The following DYSF variants were observed in gnomAD, a reference collection of about 807,000 sequenced individuals.
DYSF encodes the protein dystrophy-associated fer-1-like 1.
Under a neutral mutation model 274.9 loss-of-function variants are expected in DYSF, and 212 were observed. That is an observed-to-expected ratio of 0.77 (90% CI 0.69 to 0.86). The LOEUF (loss-of-function observed/expected upper bound fraction) is 0.86. Ranked by LOEUF, DYSF falls within the 40% of genes least tolerant of loss-of-function variation. DYSF has a pLI of 0.00. For synonymous variants in DYSF, 1,091 were observed against 1,078.7 expected, an observed-to-expected ratio of 1.01 and a Z score of -0.22; for missense variants, 2,666 against 2,783.2, an observed-to-expected ratio of 0.96 and a Z score of 0.95.
At chr2:71,492,698 T>G (rs867508394) in intron 3 of DYSF, among the ~76,000 whole-genome samples, 1 of 116,376 alleles carries the variant, frequency 8.6e-6, no homozygotes, top group Non-Finnish European at 1.8e-5. Flanking sequence ...TCTCCCTTCC[T>G]CCCCCCCCCC....
At chr2:71,660,535 A>G (rs1366350321) in intron 44 of DYSF, 25 bp from the exon 45 acceptor site, 1 of 1,600,162 alleles carries the variant, frequency 6.2e-7, no homozygotes, top group Non-Finnish European at 8.6e-7. Context: ...GTGTTTTCAC[A>G]GAAGTGTTTT....
At chr2:71,548,469 T>C (rs554391941) in intron 17 of DYSF, among the ~76,000 whole-genome samples, 4 of 152,258 alleles carry the variant, frequency 2.6e-5, no homozygotes, top group African/African-American at 9.6e-5. Context: ...TACACTTTAC[T>C]GTTGGAGAAG....
rs574456615 is a variant in DYSF at position 71,660,619 on chromosome 2, C to G, written c.4971C>G (p.Tyr1657Ter). 6.2e-7 allele frequency: 1 copy of G among 1,614,164 alleles called. No individual in the cohort carries two copies. Among genetic ancestry groups the G allele is most frequent in the African/African-American group, 1.3e-5 (1 of 75,072 alleles). The change falls in exon 45 of 56, where the codon TAC becomes TAG. Residue 1657 changes from tyrosine (Y) to a stop codon, truncating the protein, a stop_gained. Transcript: ENST00000410020. LOFTEE classifies it high-confidence loss of function. The stretch of plus-strand genomic sequence containing the variant: ...AATCAGTGAGTGACCAGGATAACTA[C>G]ATCCCCTGCACGCTGGAGCCCGTAT... The part of the protein sequence containing the change: ...GKKSVSDQDN[Y>*]IPCTLEPVFG...
At chr2:71,515,311 G>A (rs532023699) in intron 7 of DYSF, among the ~76,000 whole-genome samples, 9 of 152,274 alleles carry the variant, frequency 5.9e-5, no homozygotes, top group South Asian at 2.1e-4. Context: ...ATGGGGTCTC[G>A]GGTGGGGCTT....
At chr2:71,683,429 T>A (rs1378878356) in intron 55 of DYSF, among the ~76,000 whole-genome samples, 1 of 152,094 alleles carries the variant, frequency 6.6e-6, no homozygotes, top group East Asian at 1.9e-4. Flanking sequence ...CCAGGGAGCC[T>A]CCCCCAGTGT....
chr2:71,655,460 C>T (rs2094750677), intron 42 of DYSF, among the ~76,000 whole-genome samples: 1 of 152,170 alleles, frequency 6.6e-6, no homozygotes, highest in Non-Finnish European at 1.5e-5. Flanking sequence ...TTTAATGTTA[C>T]TGTTTATTAG....
chr2:71,498,534 G>A (rs1482378218), intron 3 of DYSF, among the ~76,000 whole-genome samples: 3 of 152,168 alleles, frequency 2.0e-5, no homozygotes. Context: ...CAATAGTGAC[G>A]TTATCCATAG....
At chr2:71,629,467 C>T (rs1284531267) in intron 41 of DYSF, among the ~76,000 whole-genome samples, 1 of 152,104 alleles carries the variant, frequency 6.6e-6, no homozygotes, top group Non-Finnish European at 1.5e-5. Flanking sequence ...GTGCCTAGTT[C>T]CTTATGTGTT....
chr2:71,667,500 G>T lies in DYSF; in HGVS notation c.5442G>T (p.Gln1814His). The change falls in exon 48 of 56, where the codon CAG becomes CAT. Residue 1814 changes from glutamine (Q) to histidine (H), a missense_variant. Physicochemically the swap from Gln to His is conservative, Grantham distance 24 (BLOSUM62 0). Coordinates refer to ENST00000410020, the MANE Select transcript of DYSF (RefSeq NM_001130987.2). ...VESRPLYSPL[Q>H]PDIEQGKLQM... is the part of the protein sequence containing the mutation. ...CACGGCCCCTCTACAGCCCCCTGCA[G>T]CCAGACATCGAGCAGGTAGGACCTT... 1 of 1,614,116 alleles carries T rather than the reference G, an allele frequency of 6.2e-7. No homozygotes were observed. The highest frequency in any genetic ancestry group is 1.1e-5 in the South Asian group (1 of 91,078).
Position 71,659,013 on chromosome 2 carries a change from C to T in DYSF, c.4891C>T (p.Pro1631Ser). ...CATTGTCCGAGCATTTGGCCTGCAG[C>T]CCAAGGACCCCAATGGAAAGGTAAC... The part of the protein sequence containing the change: ...IYIVRAFGLQ[P>S]KDPNGKCDPY... Residue 1631 changes from proline to serine, a missense_variant, in exon 44 of 56, where the codon CCC (proline) becomes TCC (serine). Physicochemically the swap from Pro to Ser is moderately conservative, Grantham distance 74. This residue lies in a region of DYSF where 1,460 missense variants were observed against 1,502.1 expected (regional missense o/e 0.97). Coordinates refer to ENST00000410020, the MANE Select transcript of DYSF (RefSeq NM_001130987.2). 1 of 1,614,172 alleles carries T rather than the reference C, an allele frequency of 6.2e-7. No homozygotes were observed. The highest frequency in any genetic ancestry group is 8.5e-7 in the Non-Finnish European group (1 of 1,180,044).
chr2:71,516,335 T>C, intron 9 of DYSF, 93 bp downstream of exon 9: 5 of 1,247,566 alleles, frequency 4.0e-6, no homozygotes, highest in Non-Finnish European at 4.7e-6. Flanking sequence ...CGTGTGTGCA[T>C]GTGCACGTCA....
At chr2:71,588,470 G>A (rs1020895373) in intron 30 of DYSF, among the ~76,000 whole-genome samples, 5 of 152,114 alleles carry the variant, frequency 3.3e-5, no homozygotes, top group African/African-American at 1.2e-4. Flanking sequence ...GCACTGGGGG[G>A]CTTTGTAGCT....
chr2:71,684,493 G>A (rs1229946561), intron 55 of DYSF, among the ~76,000 whole-genome samples: 2 of 152,216 alleles, frequency 1.3e-5, no homozygotes, highest in African/African-American at 2.4e-5. Context: ...AGGGAGAAGA[G>A]GATGAGGCCT....
intron 17 of DYSF, among the ~76,000 whole-genome samples, chr2:71,549,818 G>A (rs566397785): frequency 6.6e-5 from 10 of 152,120 alleles, no homozygotes; most frequent in Non-Finnish European, 1.0e-4. Flanking sequence ...GATGATTAAC[G>A]CAAATAATTA....
At chr2:71,601,640 C>T (rs1164454050) in intron 35 of DYSF, 112 bp downstream of exon 35, 7 of 1,432,008 alleles carry the variant, frequency 4.9e-6, no homozygotes, top group Non-Finnish European at 5.9e-6. Flanking sequence ...CTGCCTCAAG[C>T]CCCCGGGGAA....
At chr2:71,635,306 A>G (rs966923033) in intron 41 of DYSF, among the ~76,000 whole-genome samples, 33 of 152,338 alleles carry the variant, frequency 2.2e-4, no homozygotes, top group East Asian at 7.7e-4. Flanking sequence ...ATGGCACATG[A>G]TCAGCCTTTG....
chr2:71,605,967 G>A (rs528125618), intron 36 of DYSF, among the ~76,000 whole-genome samples: 1 of 152,264 alleles, frequency 6.6e-6, no homozygotes, highest in African/African-American at 2.4e-5. Context: ...GGAGCTCCCC[G>A]AGGAACCAGG....
chr2:71,603,403 T>C (rs547014725), intron 36 of DYSF, among the ~76,000 whole-genome samples: 1 of 152,216 alleles, frequency 6.6e-6, no homozygotes, highest in Admixed American at 6.5e-5. Context: ...TGTGGGTGGA[T>C]TGTCGTGAGC....
Position 71,516,051 on chromosome 2 carries a change from G to C in DYSF, c.889-129G>C, listed in dbSNP as rs577508923. ...CAGAACTTGTCCAATCCCCAGAACT[G>C]TGCCCAATCCACATTTTCTGAGGGG... On this transcript the variant is annotated intron_variant, in intron 8 of 55. Transcript: ENST00000410020. The C allele has an allele frequency of 1.1e-5, 11 of 1,001,906 alleles. No homozygotes were observed. The East Asian group carries it at 2.7e-4, about 25-fold the overall frequency. 62.1% of individuals were successfully genotyped at this position (1,001,906 alleles called of 1,614,324 possible).
Sources: allele counts gnomAD v4.1 joint callset (sites outside exome capture counted in the v4.1 genomes callset), GRCh38; gene constraint gnomAD v4.1.1; regional missense constraint gnomAD v4.1.1; transcripts MANE v1.5; gene names NCBI Gene and HGNC (gene_info 2026-07-23, HGNC 2026-07-21).